RBM47: variants seen among roughly 807,000 people sequenced by gnomAD.
RBM47 encodes the protein RNA-binding protein 47.
RBM47 carries 21 observed loss-of-function variants against 47.1 expected under a neutral mutation model. The observed-to-expected ratio is 0.45, with a 90% CI of 0.32 to 0.64. The LOEUF (loss-of-function observed/expected upper bound fraction) is 0.64. Ranked by LOEUF, RBM47 falls within the 30% of genes least tolerant of loss-of-function variation. RBM47 has a pLI of 0.05. For missense variants in RBM47, 708 were observed against 870.9 expected, an observed-to-expected ratio of 0.81 and a Z score of 2.35; for synonymous variants, 375 against 361.7, an observed-to-expected ratio of 1.04 and a Z score of -0.42.
At chr4:40,456,858 C>A (rs1044692090) in intron 3 of RBM47, among the ~76,000 whole-genome samples, 20 of 151,962 alleles carry the variant, frequency 1.3e-4, no homozygotes, top group African/African-American at 4.8e-4. Context: ...CTCGGCCTCC[C>A]AAAGTGCTGG....
intron 2 of RBM47, among the ~76,000 whole-genome samples, chr4:40,503,036 AGCC>A (rs1723605882): frequency 6.6e-6 from 1 of 152,112 alleles, no homozygotes; most frequent in Non-Finnish European, 1.5e-5. Context: ...GAATTTGTTA[AGCC>A]TGGACAGACA....
chr4:40,436,633 C>T lies in RBM47; in HGVS notation c.1138G>A (p.Gly380Ser). The T allele has an allele frequency of 1.2e-6, 2 of 1,614,022 alleles. No individual in the cohort carries two copies. Among genetic ancestry groups the T allele is most frequent in the South Asian group, 2.2e-5 (2 of 91,080 alleles). ...DYFVKAGSIR[G>S]RGRGAAGNRA... ...TTGCCAGCTGCACCTCGCCCTCGGC[C>T]TCTTATGCTGCCTGCTTGTAATAAC... Residue 380 changes from glycine (G) to serine (S), a missense_variant, in exon 5 of 7, where the codon GGC (glycine) becomes AGC (serine). By Grantham distance (56) the Gly-to-Ser change is moderately conservative. Coordinates refer to ENST00000295971, the MANE Select transcript of RBM47 (RefSeq NM_001098634.2).
rs117645078 is a variant in RBM47, at chr4:40,533,179, A to G, written c.-155+11243T>C. Among the ~76,000 whole-genome samples the G allele has an allele frequency of 3.9e-3, 599 of 152,300 alleles. 8 individuals are homozygous for G. The highest frequency in any genetic ancestry group is 0.012 in the East Asian group (61 of 5,192). The stretch of plus-strand genomic sequence containing the variant: ...CCAGATGCAGTGGCTTACACCTGCA[A>G]TCCCAGCACTCTGGGAGACCAAGGT... On this transcript the variant is annotated intron_variant, in intron 2 of 6. Transcript: ENST00000295971.
chr4:40,558,179 C>G (rs1420284092), intron 1 of RBM47, among the ~76,000 whole-genome samples: 1 of 152,164 alleles, frequency 6.6e-6, no homozygotes, highest in Non-Finnish European at 1.5e-5. Context: ...AAGTGACTCA[C>G]AGTTTGTATA....
At chr4:40,555,836 T>C (rs1486243954) in intron 1 of RBM47, among the ~76,000 whole-genome samples, 2 of 152,116 alleles carry the variant, frequency 1.3e-5, no homozygotes, top group Non-Finnish European at 2.9e-5. Flanking sequence ...CCTTGTGCTG[T>C]CACCTGTGAA....
At chr4:40,503,186 A>G (rs891085952) in intron 2 of RBM47, among the ~76,000 whole-genome samples, 1 of 148,940 alleles carries the variant, frequency 6.7e-6, no homozygotes, top group Non-Finnish European at 1.5e-5. Flanking sequence ...AGAAGAAAGA[A>G]AAACTGTCAC....
At chr4:40,561,061 CTA>C (rs1730570891) in intron 1 of RBM47, among the ~76,000 whole-genome samples, 1 of 151,832 alleles carries the variant, frequency 6.6e-6, no homozygotes, top group Admixed American at 6.6e-5. Context: ...TTAAAGGAGA[CTA>C]TGTGTCTGGT....
chr4:40,539,088 A>G (rs1314358687), intron 2 of RBM47, among the ~76,000 whole-genome samples: 2 of 152,226 alleles, frequency 1.3e-5, no homozygotes, highest in Non-Finnish European at 2.9e-5. Flanking sequence ...AAATTAAATT[A>G]TAGGCCACTT....
intron 3 of RBM47, among the ~76,000 whole-genome samples, chr4:40,448,015 A>C (rs1714807007): frequency 6.7e-6 from 1 of 149,632 alleles, no homozygotes; most frequent in South Asian, 2.1e-4. Context: ...CGTCTCAAAA[A>C]AATAAAAATA....
At chr4:40,526,909 T>C (rs866612350) in intron 2 of RBM47, among the ~76,000 whole-genome samples, 11 of 141,034 alleles carry the variant, frequency 7.8e-5, no homozygotes, top group African/African-American at 2.9e-4. Flanking sequence ...CTTAGAGCAA[T>C]GGAAAAGGGC....
chr4:40,560,925 A>G (rs1730550710), intron 1 of RBM47, among the ~76,000 whole-genome samples: 1 of 151,736 alleles, frequency 6.6e-6, no homozygotes, highest in African/African-American at 2.4e-5. Context: ...AGAACGCGCC[A>G]CTGCACTTCA....
chr4:40,476,974 C>T (rs1719699726), intron 2 of RBM47, among the ~76,000 whole-genome samples: 1 of 152,184 alleles, frequency 6.6e-6, no homozygotes, highest in South Asian at 2.1e-4. Context: ...GTGGCTCATG[C>T]CTGTCATCCC....
At chr4:40,595,657 A>G (rs4861268) in intron 1 of RBM47, among the ~76,000 whole-genome samples, 49,564 of 151,238 alleles carry the variant, frequency 0.33, 9,082 homozygotes, top group African/African-American at 0.49. Context: ...GGAGGCTGAG[A>G]AAGGAGGATC....
chr4:40,464,731 C>T (rs1423151416), intron 3 of RBM47, among the ~76,000 whole-genome samples: 1 of 146,046 alleles, frequency 6.8e-6, no homozygotes, highest in South Asian at 2.2e-4. Context: ...ATTAAAAATA[C>T]AAAAAAAAAA....
At chr4:40,593,241 G>A (rs995345733) in intron 1 of RBM47, among the ~76,000 whole-genome samples, 43 of 150,194 alleles carry the variant, frequency 2.9e-4, no homozygotes, top group African/African-American at 6.8e-4. Context: ...CTCGTGATCC[G>A]CCCACCTTGG....
rs543145657 is a variant in RBM47 at position 40,429,615 on chromosome 4, G to A, written c.1542+3036C>T. Among the ~76,000 whole-genome samples, 9 of 145,952 alleles carry A rather than the reference G, an allele frequency of 6.2e-5. No homozygotes were observed. In the East Asian group the frequency reaches 1.2e-3, roughly 20 times the overall value. On this transcript the variant is annotated intron_variant, in intron 6 of 6. Transcript: ENST00000295971. ...CTAGCAGGAGAATCGCTTGAACCCT[G>A]GAAGCGGAAGTTGCAGTGAGCTGAG...
At chr4:40,617,558 A>G (rs537869962) in intron 1 of RBM47, among the ~76,000 whole-genome samples, 159 of 152,246 alleles carry the variant, frequency 1.0e-3, no homozygotes, top group African/African-American at 3.5e-3. Context: ...ACTCCATCTC[A>G]AAATAATAAA....
chr4:40,436,919 T>A (rs1207376331), intron 4 of RBM47: 3 of 518,342 alleles, frequency 5.8e-6, no homozygotes, highest in South Asian at 3.1e-5. Flanking sequence ...ATTCATAGAC[T>A]ACCCACCACC....
At chr4:40,585,538 A>G (rs975557507) in intron 1 of RBM47, among the ~76,000 whole-genome samples, 1 of 152,234 alleles carries the variant, frequency 6.6e-6, no homozygotes, top group African/African-American at 2.4e-5. Flanking sequence ...GCCTATTGTT[A>G]TAGGCCTATT....
Sources: gnomAD v4.1 joint callset for allele counts (sites outside exome capture counted in the v4.1 genomes callset) on GRCh38, gnomAD v4.1.1 for gene constraint, MANE v1.5 for transcripts, NCBI Gene and HGNC (gene_info 2026-07-23, HGNC 2026-07-21) for gene names.